The following COL14A1 variants were observed in gnomAD, a reference collection of about 807,000 sequenced individuals.
COL14A1 encodes collagen alpha-1(XIV) chain.
A neutral mutation model predicts 230.3 loss-of-function variants in COL14A1; 136 were observed. The ratio of observed to expected loss-of-function variants is 0.59; its 90% CI spans 0.51 to 0.68. The LOEUF (loss-of-function observed/expected upper bound fraction) is 0.68, where lower values mean the gene tolerates loss of function less well. COL14A1 is among the 30% of genes least tolerant of loss of function. The pLI is 0.00. For missense variants in COL14A1, 1,976 were observed against 2,215.8 expected, an observed-to-expected ratio of 0.89 and a Z score of 2.17; for synonymous variants, 792 against 784.1, an observed-to-expected ratio of 1.01 and a Z score of -0.17.
At position 120,285,971 on chromosome 8, in the gene COL14A1, G is replaced by A; in HGVS notation, c.4077+1G>A. ...AATTTTTTATGGAAGCTTTCACAAGGTTAGTAATGCTTTGTATGCATATAT... is the reference window on the plus strand; with the variant it reads ...AATTTTTTATGGAAGCTTTCACAAGATTAGTAATGCTTTGTATGCATATAT... On this transcript the variant is annotated splice_donor_variant, in intron 33 of 47. Coordinates refer to ENST00000297848, the MANE Select transcript of COL14A1 (RefSeq NM_021110.4). LOFTEE classifies it high-confidence loss of function. The A allele has an allele frequency of 1.3e-6, 2 of 1,504,262 alleles. No individual in the cohort carries two copies. The highest frequency in any genetic ancestry group is 1.8e-6 in the Non-Finnish European group (2 of 1,081,146). The allele number at this position is 1,504,262 out of a possible 1,614,324, so 93.2% of individuals were successfully genotyped here.
intron 5 of COL14A1, among the ~76,000 whole-genome samples, chr8:120,188,175 T>G (rs190115796): frequency 2.7e-3 from 408 of 151,702 alleles, no homozygotes; most frequent in Non-Finnish European, 4.6e-3. Flanking sequence ...CTCCACCTCC[T>G]GGGTTCAAGC....
chr8:120,286,571 G>A (rs367845714), intron 33 of COL14A1, among the ~76,000 whole-genome samples: 83 of 152,020 alleles, frequency 5.5e-4, no homozygotes, highest in African/African-American at 1.7e-3. Flanking sequence ...GTGCAGTGGC[G>A]CGATCTTGGC....
chr8:120,370,644 G>A (rs1426160178), intron 47 of COL14A1: 47 of 1,453,960 alleles, frequency 3.2e-5, no homozygotes, highest in Middle Eastern at 1.8e-4. Flanking sequence ...GTATATGATC[G>A]TGTGCCAAGA....
intron 33 of COL14A1, among the ~76,000 whole-genome samples, chr8:120,286,483 G>A (rs1820206487): frequency 6.6e-6 from 1 of 151,992 alleles, no homozygotes. Flanking sequence ...AAGTTTACTT[G>A]TCATTATTTA....
chr8:120,363,171 G>A (rs1823286811), intron 45 of COL14A1, among the ~76,000 whole-genome samples: 1 of 152,140 alleles, frequency 6.6e-6, no homozygotes. Flanking sequence ...CAAAGACATG[G>A]AACCAACCCA....
At chr8:120,263,384 C>T (rs1347199041) in intron 24 of COL14A1, among the ~76,000 whole-genome samples, 1 of 152,146 alleles carries the variant, frequency 6.6e-6, no homozygotes, top group Admixed American at 6.6e-5. Context: ...GGCATATTAC[C>T]ACAGCCATGA....
rs554128873 is a variant in COL14A1 at position 120,280,659 on chromosome 8, T to C, written c.3647-52T>C. Reference sequence around the variant, plus strand: ...CTGTTCTCAGGACAGGGAAAGAGTATGTTTGTGAAATATCCGAATTAGAGT... The same window carrying C: ...CTGTTCTCAGGACAGGGAAAGAGTACGTTTGTGAAATATCCGAATTAGAGT... On this transcript the variant is annotated intron_variant, in intron 29 of 47. Coordinates refer to ENST00000297848, the MANE Select transcript of COL14A1 (RefSeq NM_021110.4). 7.3e-5 allele frequency: 113 copies of C among 1,549,412 alleles called. No homozygotes were observed. The East Asian group carries it at 2.0e-3, about 27-fold the overall frequency.
At chr8:120,140,904 A>C (rs1227118125) in intron 1 of COL14A1, among the ~76,000 whole-genome samples, 2 of 152,230 alleles carry the variant, frequency 1.3e-5, no homozygotes. Context: ...ACAGTGTTTT[A>C]AGAGCACTTG....
rs189852953 is a variant in COL14A1 at position 120,182,816 on chromosome 8, C to T, written c.437-13975C>T. 6.7e-5 allele frequency among the ~76,000 whole-genome samples: 10 copies of T among 150,316 alleles called. No individual in the cohort carries two copies. The East Asian group carries it at 1.8e-3, about 27-fold the overall frequency. Reference sequence around the variant, plus strand: ...ATCTCAGCTCACTGCAACCTTCGCCCCTGGGGCTCAAGTGATTCTCATGCC... The same window carrying T: ...ATCTCAGCTCACTGCAACCTTCGCCTCTGGGGCTCAAGTGATTCTCATGCC... On this transcript the variant is annotated intron_variant, in intron 5 of 47. Transcript: ENST00000297848.
intron 5 of COL14A1, among the ~76,000 whole-genome samples, chr8:120,182,744 T>TG (rs1816502223): frequency 6.7e-6 from 1 of 149,540 alleles, no homozygotes; most frequent in South Asian, 2.1e-4. Context: ...TTTTTTTTTT[T>TG]GAGGTGGAGT....
At chr8:120,341,399 T>C in intron 43 of COL14A1, 39 bp downstream of exon 43, 1 of 1,609,152 alleles carries the variant, frequency 6.2e-7, no homozygotes, top group East Asian at 2.2e-5. Context: ...CCCCAGCTTG[T>C]TGCACCCCTT....
In COL14A1 at chr8:120,216,382, C is replaced by G. The variant is rs372132715; in HGVS notation, c.1629C>G (p.Ile543Met). The change falls in exon 14 of 48, where the codon ATC becomes ATG. Residue 543 changes from isoleucine to methionine, a missense_variant. Transcript: ENST00000297848. ...LALSPPRNLR[I>M]SNVGSNSARL... ...TAAGTCCACCAAGAAACCTGAGAATCTCCAATGTTGGCTCTAACAGTGCTC... is the reference window on the plus strand; with the variant it reads ...TAAGTCCACCAAGAAACCTGAGAATGTCCAATGTTGGCTCTAACAGTGCTC... 1.2e-6 allele frequency: 2 copies of G among 1,613,036 alleles called. No homozygotes were observed. Among genetic ancestry groups the G allele is most frequent in the South Asian group, 2.2e-5 (2 of 90,812 alleles).
intron 14 of COL14A1, among the ~76,000 whole-genome samples, chr8:120,223,017 T>G (rs1817981286): frequency 6.6e-6 from 1 of 152,132 alleles, no homozygotes; most frequent in Admixed American, 6.5e-5. Context: ...GAAGAAGGCC[T>G]AATTTCGACA....
intron 5 of COL14A1, among the ~76,000 whole-genome samples, chr8:120,190,987 A>G (rs1262529143): frequency 6.8e-6 from 1 of 147,266 alleles, no homozygotes; most frequent in East Asian, 2.0e-4. Flanking sequence ...GATCCTTTCA[A>G]AAAACCAGCT....
At chr8:120,342,487 ACT>A (rs1563748124) in intron 44 of COL14A1, 41 bp downstream of exon 44, 2 of 1,580,192 alleles carry the variant, frequency 1.3e-6, no homozygotes, top group Non-Finnish European at 1.7e-6. Context: ...CCCATAACAA[ACT>A]CTCATCCAAA....
chr8:120,243,529 T>A (rs1395947396), intron 19 of COL14A1, among the ~76,000 whole-genome samples: 1 of 152,202 alleles, frequency 6.6e-6, no homozygotes, highest in Admixed American at 6.5e-5. Flanking sequence ...AGCAGCAGGC[T>A]GGATTATAGA....
intron 43 of COL14A1, 84 bp from the exon 44 acceptor site, chr8:120,342,296 G>A: frequency 7.3e-7 from 1 of 1,372,930 alleles, no homozygotes; most frequent in Non-Finnish European, 1.0e-6. Context: ...GAACAATGGG[G>A]CAAGTCAGAT....
At chr8:120,201,006 A>G (rs1231701301) in intron 8 of COL14A1, among the ~76,000 whole-genome samples, 2 of 151,714 alleles carry the variant, frequency 1.3e-5, no homozygotes, top group African/African-American at 4.8e-5. Context: ...AAAGTATCCA[A>G]TAAATGGCTG....
At chr8:120,144,488 T>TA (rs1225162903) in intron 1 of COL14A1, among the ~76,000 whole-genome samples, 10 of 152,188 alleles carry the variant, frequency 6.6e-5, no homozygotes, top group African/African-American at 2.4e-4. Flanking sequence ...AAGGCAAGGT[T>TA]CAGCATCCGT....
Sources: gnomAD v4.1 joint callset for allele counts (sites outside exome capture counted in the v4.1 genomes callset) on GRCh38, gnomAD v4.1.1 for gene constraint, MANE v1.5 for transcripts, NCBI Gene and HGNC (gene_info 2026-07-23, HGNC 2026-07-21) for gene names.